Variants in RASSF5 observed in about 807,000 individuals in gnomAD.
RASSF5 encodes Ras association domain family member 5.
RASSF5 carries 25 observed loss-of-function variants against 40.5 expected under a neutral mutation model. That is an observed-to-expected ratio of 0.62 (90% CI 0.45 to 0.86). The LOEUF is 0.86. RASSF5 is among the 40% of genes least tolerant of loss of function. RASSF5 has a pLI of 0.00. For missense variants in RASSF5, 521 were observed against 572.8 expected, an observed-to-expected ratio of 0.91 and a Z score of 0.92; for synonymous variants, 246 against 252.4, an observed-to-expected ratio of 0.97 and a Z score of 0.24.
intron 1 of RASSF5, among the ~76,000 whole-genome samples, chr1:206,509,302 A>C (rs1666554017): frequency 6.6e-6 from 1 of 152,244 alleles, no homozygotes; most frequent in Non-Finnish European, 1.5e-5. Flanking sequence ...AGCTGGCTGC[A>C]GGGAAATAGA....
chr1:206,562,698 C>G lies in RASSF5; in HGVS notation c.580-20571C>G, dbSNP rs189695180. On this transcript the variant is annotated intron_variant, in intron 2 of 5. Coordinates refer to ENST00000579436, the MANE Select transcript of RASSF5 (RefSeq NM_182663.4). ...CTGTAATCCCAGCACTTTGGGAGGC[C>G]GAGACGGGCGGATCACGAGGTCAGG... is the stretch of plus-strand genomic sequence containing the variant. Among the ~76,000 whole-genome samples the G allele has an allele frequency of 1.9e-3, 287 of 152,150 alleles. 2 individuals are homozygous for G. The highest frequency in any genetic ancestry group is 6.4e-3 in the African/African-American group (265 of 41,492).
chr1:206,525,398 G>T (rs887763194), intron 1 of RASSF5, among the ~76,000 whole-genome samples: 1 of 152,090 alleles, frequency 6.6e-6, no homozygotes, highest in Admixed American at 6.5e-5. Flanking sequence ...AGGGACCCAG[G>T]TTCCAGAAAG....
chr1:206,587,249 CTTT>C lies in RASSF5; in HGVS notation c.*272_*274del. ...TGACGTCCTCTCTCGATCTGCAAGC[CTTT>C]CACCAACCAAATAGTTGCCTCTCTC... On this transcript the variant is annotated 3_prime_UTR_variant, in exon 6 of 6. Coordinates refer to ENST00000579436, the MANE Select transcript of RASSF5 (RefSeq NM_182663.4). 1 of 414,358 alleles carries C rather than the reference CTTT, an allele frequency of 2.4e-6. No individual in the cohort carries two copies. The highest frequency in any genetic ancestry group is 2.2e-5 in the South Asian group (1 of 46,260). 25.7% of individuals were successfully genotyped at this position (414,358 alleles called of 1,614,324 possible). A position where few individuals can be genotyped will look rare whatever the true frequency, so the allele number is the denominator to read the frequency against.
chr1:206,511,437 G>A (rs1378085760), intron 1 of RASSF5, among the ~76,000 whole-genome samples: 14 of 152,094 alleles, frequency 9.2e-5, no homozygotes, highest in East Asian at 3.8e-4. Flanking sequence ...TGGTGGCTGC[G>A]TAAGCCATCC....
At chr1:206,547,458 C>T (rs12093604) in intron 2 of RASSF5, among the ~76,000 whole-genome samples, 5,521 of 151,898 alleles carry the variant, frequency 0.036, 331 homozygotes, top group African/African-American at 0.13. Flanking sequence ...ATCTAGGTTG[C>T]GTGCTCCTTA....
intron 2 of RASSF5, among the ~76,000 whole-genome samples, chr1:206,548,216 G>A (rs1339286753): frequency 2.0e-5 from 3 of 152,020 alleles, no homozygotes; most frequent in Non-Finnish European, 4.4e-5. Flanking sequence ...TACTATGAAG[G>A]TATACCTGAG....
At chr1:206,573,024 C>CATG (rs1248881295) in intron 2 of RASSF5, among the ~76,000 whole-genome samples, 97 of 152,244 alleles carry the variant, frequency 6.4e-4, no homozygotes, top group Non-Finnish European at 1.0e-3. Context: ...TGATCATGAT[C>CATG]ATGATGATGA....
Position 206,521,180 on chromosome 1 carries a change from G to A in RASSF5, c.457+13121G>A, listed in dbSNP as rs1375063513. ...GTCATTTTAAAAGGCTGCTAGGGGGGTCTGTGGGAAATAGGCCTAGGTCTC... is the reference window on the plus strand; with the variant it reads ...GTCATTTTAAAAGGCTGCTAGGGGGATCTGTGGGAAATAGGCCTAGGTCTC... On this transcript the variant is annotated intron_variant, in intron 1 of 5. Coordinates refer to ENST00000579436, the MANE Select transcript of RASSF5 (RefSeq NM_182663.4). 2.0e-5 allele frequency among the ~76,000 whole-genome samples: 3 copies of A among 152,290 alleles called. No homozygotes were observed. The East Asian group carries it at 5.8e-4, about 29-fold the overall frequency.
chr1:206,582,935 G>A (rs1553406661), intron 2 of RASSF5, among the ~76,000 whole-genome samples: 2 of 152,146 alleles, frequency 1.3e-5, no homozygotes, highest in Admixed American at 6.5e-5. Context: ...ATGCGGCTCT[G>A]CTCATTCACC....
intron 2 of RASSF5, among the ~76,000 whole-genome samples, chr1:206,564,574 CCTAGGAG>C (rs1668233157): frequency 2.0e-5 from 3 of 152,174 alleles, no homozygotes; most frequent in African/African-American, 4.8e-5. Flanking sequence ...CAACTCCCAG[CCTAGGAG>C]CTTGAAGGGG....
intron 2 of RASSF5, chr1:206,557,212 T>G (rs1383564985): frequency 2.9e-6 from 3 of 1,052,414 alleles, no homozygotes; most frequent in Admixed American, 1.1e-4. Context: ...GCGGGGGAGG[T>G]GCGGAGATGG....
intron 1 of RASSF5, among the ~76,000 whole-genome samples, chr1:206,525,061 A>C (rs1199309081): frequency 1.3e-5 from 2 of 151,972 alleles, no homozygotes; most frequent in Non-Finnish European, 2.9e-5. Context: ...GTTGTGAACT[A>C]TCCTGCCCTC....
At chr1:206,581,473 C>A (rs1553406318) in intron 2 of RASSF5, among the ~76,000 whole-genome samples, 4 of 152,056 alleles carry the variant, frequency 2.6e-5, no homozygotes, top group African/African-American at 9.7e-5. Context: ...GTGGTGCGCA[C>A]CTGTAATCCC....
At chr1:206,557,446 G>GGCTCGGGGCTCAGA (rs1177596361) in intron 2 of RASSF5, 79 of 1,436,624 alleles carry the variant, frequency 5.5e-5, no homozygotes, top group Non-Finnish European at 7.0e-5. Flanking sequence ...ACCAGCTCCC[G>GGCTCGGGGCTCAGA]GCTCGGGGCT....
intron 2 of RASSF5, 83 bp from the exon 3 acceptor site, chr1:206,583,186 G>C: frequency 1.1e-6 from 1 of 880,134 alleles, no homozygotes; most frequent in Non-Finnish European, 1.9e-6. Context: ...CTTGGTTAGA[G>C]AGGCTTTGGG....
rs539604730 is a variant in RASSF5 at position 206,584,883 on chromosome 1, CAGGAAAACCACACCCT to C, written c.988+203_988+218del. 9.3e-3 allele frequency: 5,822 copies of C among 627,388 alleles called. 44 individuals are homozygous for C. The highest frequency in any genetic ancestry group is 0.012 in the Non-Finnish European group (4,338 of 360,754). 38.9% of individuals were successfully genotyped at this position (627,388 alleles called of 1,614,324 possible). ...GAGTCCCTGACTCTGCATGTGACTT[CAGGAAAACCACACCCT>C]AGGCTCCCATTTCCTGATCTGTGCA... On this transcript the variant is annotated intron_variant, in intron 4 of 5. Coordinates refer to ENST00000579436, the MANE Select transcript of RASSF5 (RefSeq NM_182663.4). This position sits in a 1 kb window ranked among gnomAD's most constrained non-coding sequence, Gnocchi z 4.9.
intron 1 of RASSF5, among the ~76,000 whole-genome samples, chr1:206,510,602 G>A (rs1483474380): frequency 6.6e-6 from 1 of 152,112 alleles, no homozygotes; most frequent in Admixed American, 6.5e-5. Context: ...TACAATTTGC[G>A]AACTCTGCCT....
chr1:206,588,632 CT>C lies in RASSF5; in HGVS notation c.*1655del, dbSNP rs1427536139. 3.3e-4 allele frequency: 51 copies of C among 152,410 alleles called. 1 individual carries two copies. Among genetic ancestry groups the C allele is most frequent in the African/African-American group, 1.2e-3 (51 of 41,440 alleles). 9.4% of individuals were successfully genotyped at this position (152,410 alleles called of 1,614,324 possible). On this transcript the variant is annotated 3_prime_UTR_variant, in exon 6 of 6. Coordinates refer to ENST00000579436, the MANE Select transcript of RASSF5 (RefSeq NM_182663.4). ...GACCCAGGCTGAGTCCATACTGCCC[CT>C]GATCCCAGAAGGAATGCTGACCCCT...
rs148841211 is a variant in RASSF5, at chr1:206,583,350, C to T, written c.661C>T (p.Arg221Ter). Residue 221 changes from arginine to a stop codon, truncating the protein, a stop_gained, in exon 3 of 6, where the codon CGA becomes TGA. Coordinates refer to ENST00000579436, the MANE Select transcript of RASSF5 (RefSeq NM_182663.4). LOFTEE classifies it high-confidence loss of function. ...IKQKIDSYNT[R>*]EKNCLGMKLS... is the part of the protein sequence containing the mutation. ...GCAGAAGATCGACAGCTACAACACG[C>T]GAGAGAAGAACTGCCTGGGCATGAA... is the stretch of plus-strand genomic sequence containing the variant. 4.3e-6 allele frequency: 7 copies of T among 1,613,280 alleles called. No individual in the cohort carries two copies. Among genetic ancestry groups the T allele is most frequent in the South Asian group, 1.1e-5 (1 of 91,062 alleles).
Sources: gnomAD v4.1 joint callset for allele counts (sites outside exome capture counted in the v4.1 genomes callset) on GRCh38, gnomAD v4.1.1 for gene constraint, Gnocchi (gnomAD v3.1) non-coding constraint, MANE v1.5 for transcripts, NCBI Gene and HGNC (gene_info 2026-07-23, HGNC 2026-07-21) for gene names.